The following TAOK1 variants were observed in gnomAD, a reference collection of about 807,000 sequenced individuals.
The protein encoded by TAOK1 is TAO kinase 1.
TAOK1 carries 21 observed loss-of-function variants against 138.3 expected under a neutral mutation model. That is an observed-to-expected ratio of 0.15 (90% CI 0.11 to 0.22). The LOEUF (loss-of-function observed/expected upper bound fraction) is 0.22. Among genes scored for constraint, TAOK1 ranks in the 10% least tolerant of loss-of-function variants. The pLI is 1.00. For synonymous variants in TAOK1, 361 were observed against 398.4 expected (o/e 0.91, Z 1.12); for missense variants, 651 against 1,227.7 (o/e 0.53, Z 7.02).
chr17:29,414,377 G>A (rs1905217987), intron 1 of TAOK1, among the ~76,000 whole-genome samples: 1 of 152,054 alleles, frequency 6.6e-6, no homozygotes, highest in Non-Finnish European at 1.5e-5. Flanking sequence ...AGCCTCCTGA[G>A]TAGCTGGGAT....
intron 6 of TAOK1, among the ~76,000 whole-genome samples, chr17:29,479,155 A>T (rs1249571745): frequency 6.6e-6 from 1 of 152,080 alleles, no homozygotes; most frequent in East Asian, 1.9e-4. Context: ...CAAAAAAAAA[A>T]AAAAACAGAA....
At chr17:29,501,354 T>G (rs1236101098) in intron 12 of TAOK1, among the ~76,000 whole-genome samples, 3 of 148,784 alleles carry the variant, frequency 2.0e-5, no homozygotes, top group Non-Finnish European at 4.4e-5. Context: ...GCCTGGGAGA[T>G]CAAGGCTGCA....
intron 1 of TAOK1, among the ~76,000 whole-genome samples, chr17:29,421,886 A>C (rs868412032): frequency 6.6e-6 from 1 of 151,150 alleles, no homozygotes; most frequent in African/African-American, 2.4e-5. Context: ...TACAGGTGTG[A>C]GCCACTGTGC....
chr17:29,449,886 T>A (rs938638949), intron 1 of TAOK1, among the ~76,000 whole-genome samples: 7 of 152,102 alleles, frequency 4.6e-5, no homozygotes, highest in African/African-American at 1.4e-4. Flanking sequence ...TTGGAGTTTT[T>A]AAAAATTGTT....
intron 13 of TAOK1, among the ~76,000 whole-genome samples, chr17:29,505,669 T>A (rs1189406764): frequency 6.6e-6 from 1 of 151,458 alleles, no homozygotes; most frequent in Non-Finnish European, 1.5e-5. Flanking sequence ...GCCATTGCAC[T>A]CCAGCCTGGG....
Position 29,550,889 on chromosome 17 carries a change from T to C in TAOK1, c.*7867T>C, listed in dbSNP as rs550634770. On this transcript the variant is annotated 3_prime_UTR_variant, in exon 20 of 20. Coordinates refer to ENST00000261716, the MANE Select transcript of TAOK1 (RefSeq NM_020791.4). ...TCTTCCTTTCTACTAACTCCTTCCT[T>C]AAAGGCCATATCACTCCATTTGCAT... is the stretch of plus-strand genomic sequence containing the variant. The C allele has an allele frequency of 6.5e-6, 1 of 152,678 alleles. No individual in the cohort carries two copies. The highest frequency in any genetic ancestry group is 2.1e-4 in the South Asian group (1 of 4,830). The allele number at this position is 152,678 out of a possible 1,614,324, so 9.5% of individuals were successfully genotyped here. A position where few individuals can be genotyped will look rare whatever the true frequency, so the allele number is the denominator to read the frequency against.
intron 1 of TAOK1, among the ~76,000 whole-genome samples, chr17:29,421,912 C>CT (rs951520222): frequency 5.5e-4 from 83 of 149,982 alleles, no homozygotes; most frequent in Admixed American, 8.0e-4. Context: ...TCTATTTATC[C>CT]TTTTTTTTTG....
chr17:29,490,909 C>T (rs1030966640), intron 9 of TAOK1, among the ~76,000 whole-genome samples: 1 of 152,108 alleles, frequency 6.6e-6, no homozygotes, highest in South Asian at 2.1e-4. Context: ...AGAACCCTCT[C>T]CCACAAGCCC....
intron 1 of TAOK1, among the ~76,000 whole-genome samples, chr17:29,437,025 A>C (rs1038207673): frequency 2.1e-5 from 3 of 144,602 alleles, no homozygotes; most frequent in African/African-American, 5.3e-5. Context: ...CAAAATGATG[A>C]CTCAAAAAGT....
At chr17:29,478,099 A>C (rs1206322465) in intron 5 of TAOK1, 152 bp from the exon 6 acceptor site, 7 of 539,236 alleles carry the variant, frequency 1.3e-5, no homozygotes, top group Non-Finnish European at 2.2e-5. Flanking sequence ...ACACAACTGC[A>C]TACAAGTTAT....
chr17:29,476,086 A>G lies in TAOK1; in HGVS notation c.306+315A>G, dbSNP rs878998727. On this transcript the variant is annotated intron_variant, in intron 4 of 19. Transcript: ENST00000261716. Reference sequence around the variant, plus strand: ...ATGTTACTTGAGGTTGAAAGTTAGCATATGTTTTCTTGACATAAATGTACT... The same window carrying G: ...ATGTTACTTGAGGTTGAAAGTTAGCGTATGTTTTCTTGACATAAATGTACT... 3.1e-4 allele frequency among the ~76,000 whole-genome samples: 47 copies of G among 152,234 alleles called. 1 individual carries two copies. The highest frequency in any genetic ancestry group is 3.1e-3 in the Admixed American group (47 of 15,284).
chr17:29,536,032 C>T (rs1318438187), intron 19 of TAOK1, among the ~76,000 whole-genome samples: 1 of 151,952 alleles, frequency 6.6e-6, no homozygotes, highest in Non-Finnish European at 1.5e-5. Context: ...GTGGCTCACG[C>T]CTGTAATCCC....
chr17:29,409,333 A>ATATATATATTTT (rs1348702470), intron 1 of TAOK1, among the ~76,000 whole-genome samples: 2 of 59,056 alleles, frequency 3.4e-5, no homozygotes, highest in African/African-American at 1.3e-4. Flanking sequence ...ATATATATAT[A>ATATATATATTTT]TTTTTTTTTT....
At chr17:29,478,390 T>A in intron 6 of TAOK1, 43 bp downstream of exon 6, 1 of 1,339,674 alleles carries the variant, frequency 7.5e-7, no homozygotes, top group South Asian at 1.5e-5. Flanking sequence ...AAATGGCTTG[T>A]TGCATATACC....
intron 10 of TAOK1, among the ~76,000 whole-genome samples, chr17:29,494,695 G>A (rs1365623227): frequency 6.6e-6 from 1 of 151,750 alleles, no homozygotes; most frequent in Non-Finnish European, 1.5e-5. Flanking sequence ...GTGTGGTGGC[G>A]GGCTCCTCTA....
chr17:29,492,947 C>A (rs1414401911), intron 10 of TAOK1, among the ~76,000 whole-genome samples: 1 of 151,780 alleles, frequency 6.6e-6, no homozygotes, highest in Non-Finnish European at 1.5e-5. Context: ...TTGAGACCAG[C>A]CTGGCCAAAA....
chr17:29,420,654 C>T (rs1905407960), intron 1 of TAOK1, among the ~76,000 whole-genome samples: 2 of 146,524 alleles, frequency 1.4e-5, no homozygotes, highest in Admixed American at 7.0e-5. Flanking sequence ...GGCACGATCT[C>T]GGGTCACTGC....
intron 1 of TAOK1, among the ~76,000 whole-genome samples, chr17:29,417,958 G>C (rs1905309625): frequency 6.6e-6 from 1 of 152,060 alleles, no homozygotes; most frequent in Non-Finnish European, 1.5e-5. Flanking sequence ...CGTGATCATA[G>C]CTCACTGCAG....
intron 2 of TAOK1, among the ~76,000 whole-genome samples, chr17:29,462,931 G>T (rs1235479019): frequency 1.3e-5 from 2 of 152,210 alleles, no homozygotes; most frequent in East Asian, 1.9e-4. Flanking sequence ...GAGAATAGAT[G>T]ATGTGTAGTA....
Sources: allele counts gnomAD v4.1 joint callset (sites outside exome capture counted in the v4.1 genomes callset), GRCh38; gene constraint gnomAD v4.1.1; transcripts MANE v1.5; gene names NCBI Gene and HGNC (gene_info 2026-07-23, HGNC 2026-07-21).